The following GALNT13 variants were observed in gnomAD, a reference collection of about 807,000 sequenced individuals.
GALNT13 encodes polypeptide N-acetylgalactosaminyltransferase 13, also known as UDP-GalNAc:polypeptide N-acetylgalactosaminyltransferase 13.
A neutral mutation model predicts 64.2 loss-of-function variants in GALNT13; 28 were observed. That is an observed-to-expected ratio of 0.44 (90% CI 0.32 to 0.60). The LOEUF (loss-of-function observed/expected upper bound fraction) is 0.60. Among genes scored for constraint, GALNT13 ranks in the 20% least tolerant of loss-of-function variants. GALNT13 has a pLI of 0.05. For synonymous variants in GALNT13, 214 were observed against 224.6 expected (o/e 0.95, Z 0.42); for missense variants, 577 against 669.8 (o/e 0.86, Z 1.53).
chr2:153,151,222 A>G, the GALNT13 span, among the ~76,000 whole-genome samples: 2 of 151,932 alleles, frequency 1.3e-5, no homozygotes, highest in Non-Finnish European at 2.9e-5. Context: ...CAAAAGACAC[A>G]TGAAAAAATG....
chr2:153,567,503 T>G, the GALNT13 span, among the ~76,000 whole-genome samples: 1 of 152,174 alleles, frequency 6.6e-6, no homozygotes, highest in African/African-American at 2.4e-5. Flanking sequence ...ACAGCATGGT[T>G]TCAGAAAATC....
intron 4 of GALNT13, among the ~76,000 whole-genome samples, chr2:154,155,018 A>T (rs114721817): frequency 0.015 from 2,261 of 151,976 alleles, 52 homozygotes; most frequent in African/African-American, 0.051. Context: ...TTTAATATGG[A>T]TAGTAGAATT....
the GALNT13 span, among the ~76,000 whole-genome samples, chr2:153,097,636 T>G: frequency 1.1e-3 from 169 of 152,352 alleles, no homozygotes; most frequent in African/African-American, 3.9e-3. Context: ...TCAGAGCCTC[T>G]AATTTGAAGT....
the GALNT13 span, among the ~76,000 whole-genome samples, chr2:153,118,147 C>CCCA: frequency 1.4e-5 from 2 of 140,168 alleles, no homozygotes; most frequent in Non-Finnish European, 3.0e-5. Flanking sequence ...ACACACACAC[C>CCCA]CCACATAAAC....
the GALNT13 span, among the ~76,000 whole-genome samples, chr2:153,639,528 T>G: frequency 6.6e-6 from 1 of 151,480 alleles, no homozygotes; most frequent in Admixed American, 6.6e-5. Flanking sequence ...TTGACAAGAG[T>G]GATAGCAGTG....
At chr2:154,372,661 T>C (rs1170484921) in intron 9 of GALNT13, among the ~76,000 whole-genome samples, 1 of 152,102 alleles carries the variant, frequency 6.6e-6, no homozygotes, top group Non-Finnish European at 1.5e-5. Context: ...ACACAAAATA[T>C]AGTATGTTTT....
intron 9 of GALNT13, among the ~76,000 whole-genome samples, chr2:154,380,066 A>T (rs796145919): frequency 7.9e-5 from 12 of 152,100 alleles, no homozygotes; most frequent in Non-Finnish European, 1.5e-4. Flanking sequence ...CTGTTATTAG[A>T]TTATGAAATA....
the GALNT13 span, among the ~76,000 whole-genome samples, chr2:153,552,575 CTTTTTTTTT>C: frequency 4.3e-5 from 3 of 69,318 alleles, no homozygotes; most frequent in East Asian, 4.7e-4. Context: ...GCTTCTTCTT[CTTTTTTTTT>C]TTTTTTTTTT....
chr2:153,197,629 C>A, the GALNT13 span, among the ~76,000 whole-genome samples: 1 of 152,256 alleles, frequency 6.6e-6, no homozygotes, highest in Non-Finnish European at 1.5e-5. Flanking sequence ...GACCAACACC[C>A]ATGCCCCAGG....
the GALNT13 span, among the ~76,000 whole-genome samples, chr2:153,093,236 C>CTTTTTTTTTTTT: frequency 3.1e-5 from 4 of 129,010 alleles, no homozygotes; most frequent in South Asian, 2.4e-4. Flanking sequence ...TTTTTCTTTT[C>CTTTTTTTTTTTT]TTTTCTTTTT....
intron 2 of GALNT13, among the ~76,000 whole-genome samples, chr2:153,913,462 C>A (rs1371666802): frequency 6.6e-6 from 1 of 152,166 alleles, no homozygotes; most frequent in Non-Finnish European, 1.5e-5. Context: ...GCTAAAGTCT[C>A]CTATGGAAGC....
At chr2:154,400,801 C>T (rs1294984897) in intron 10 of GALNT13, among the ~76,000 whole-genome samples, 2 of 152,092 alleles carry the variant, frequency 1.3e-5, no homozygotes, top group East Asian at 3.9e-4. Flanking sequence ...TCTCTCTTAA[C>T]TAGCCCTGAA....
chr2:153,667,523 A>G, the GALNT13 span, among the ~76,000 whole-genome samples: 2 of 152,224 alleles, frequency 1.3e-5, no homozygotes, highest in Non-Finnish European at 2.9e-5. Context: ...ATCTAGCCAA[A>G]CTAAGCTTCA....
rs375661620 is a variant in GALNT13 at position 153,898,567 on chromosome 2, T to C, written c.-176-2369T>C. Among the ~76,000 whole-genome samples the C allele has an allele frequency of 3.3e-4, 50 of 152,186 alleles. No homozygotes were observed. In the Middle Eastern group the frequency reaches 0.014, roughly 41 times the overall value. On this transcript the variant is annotated intron_variant, in intron 1 of 12. Coordinates refer to ENST00000392825, the MANE Select transcript of GALNT13 (RefSeq NM_052917.4). ...AGCTCTCTGAAAGGCATGTCCATGG[T>C]AAATGTAAAATTATTATATGAGGTC...
chr2:153,224,092 C>T, the GALNT13 span, among the ~76,000 whole-genome samples: 10 of 152,202 alleles, frequency 6.6e-5, no homozygotes, highest in African/African-American at 2.2e-4. Context: ...ATAACCTAGA[C>T]TTCCACCTTA....
chr2:154,274,689 C>G (rs1691542058), intron 8 of GALNT13, among the ~76,000 whole-genome samples: 1 of 152,060 alleles, frequency 6.6e-6, no homozygotes, highest in South Asian at 2.1e-4. Flanking sequence ...AAACCTCTTT[C>G]TTTATAAATT....
chr2:153,369,369 T>C, the GALNT13 span, among the ~76,000 whole-genome samples: 5 of 151,974 alleles, frequency 3.3e-5, no homozygotes, highest in Admixed American at 6.6e-5. Context: ...AAACCAAAAG[T>C]TTGTTTCTTT....
chr2:153,168,141 A>G, the GALNT13 span, among the ~76,000 whole-genome samples: 1 of 152,228 alleles, frequency 6.6e-6, no homozygotes, highest in African/African-American at 2.4e-5. Flanking sequence ...GAGGAAGGCA[A>G]GATGATATGT....
the GALNT13 span, among the ~76,000 whole-genome samples, chr2:153,154,511 T>C: frequency 6.6e-6 from 1 of 152,176 alleles, no homozygotes; most frequent in South Asian, 2.1e-4. Flanking sequence ...TTGTGGCAGT[T>C]GTGAATGGAA....
Sources: allele counts gnomAD v4.1 joint callset (sites outside exome capture counted in the v4.1 genomes callset), GRCh38; gene constraint gnomAD v4.1.1; transcripts MANE v1.5; gene names NCBI Gene and HGNC (gene_info 2026-07-23, HGNC 2026-07-21).